Variants in CACNB2 observed in about 807,000 individuals in gnomAD.
CACNB2 encodes the protein voltage-dependent L-type calcium channel subunit beta-2.
A neutral mutation model predicts 73.3 loss-of-function variants in CACNB2; 42 were observed. That is an observed-to-expected ratio of 0.57 (90% CI 0.45 to 0.74). The LOEUF is 0.74. Ranked by LOEUF, CACNB2 falls within the 30% of genes least tolerant of loss-of-function variation. CACNB2 has a pLI of 0.00. For synonymous variants in CACNB2, 348 were observed against 310.3 expected (o/e 1.12, Z -1.28); for missense variants, 940 against 853.0 (o/e 1.10, Z -1.27).
intron 2 of CACNB2, among the ~76,000 whole-genome samples, chr10:18,220,232 T>TAGAG (rs1169176468): frequency 0.01 from 254 of 25,046 alleles, 4 homozygotes; most frequent in Middle Eastern, 0.031. Context: ...TATATATATA[T>TAGAG]AGAGAGAGAG....
At chr10:18,258,581 G>A (rs1032665758) in intron 2 of CACNB2, among the ~76,000 whole-genome samples, 2 of 151,956 alleles carry the variant, frequency 1.3e-5, no homozygotes, top group Non-Finnish European at 2.9e-5. Context: ...CAAAAATTTA[G>A]CCAGGCTGGT....
At chr10:18,216,718 T>C (rs1490867121) in intron 2 of CACNB2, among the ~76,000 whole-genome samples, 1 of 152,216 alleles carries the variant, frequency 6.6e-6, no homozygotes, top group Non-Finnish European at 1.5e-5. Flanking sequence ...CATTCTCTCA[T>C]AACCCCTCAT....
intron 2 of CACNB2, among the ~76,000 whole-genome samples, chr10:18,153,438 A>G (rs2031768750): frequency 6.6e-6 from 1 of 152,024 alleles, no homozygotes; most frequent in Non-Finnish European, 1.5e-5. Context: ...CAGCATTCCC[A>G]TTTTGCTGCC....
Position 18,229,257 on chromosome 10 carries a change from A to G in CACNB2, c.213+78282A>G, listed in dbSNP as rs376300763. Among the ~76,000 whole-genome samples, 11 of 152,364 alleles carry G rather than the reference A, an allele frequency of 7.2e-5. 1 individual carries two copies. The East Asian group carries it at 1.5e-3, about 21-fold the overall frequency. On this transcript the variant is annotated intron_variant, in intron 2 of 13. Transcript: ENST00000324631. ...TGTTGGCAATCTGAAGACTAAATCC[A>G]TAATTTCAATTACATGATTTTATTT...
intron 2 of CACNB2, among the ~76,000 whole-genome samples, chr10:18,174,221 C>A (rs1392136402): frequency 7.0e-6 from 1 of 143,378 alleles, no homozygotes; most frequent in Non-Finnish European, 1.5e-5. Context: ...TTCCTTTCTC[C>A]TTCCCCTTCC....
Position 18,386,697 on chromosome 10 carries a change from C to T in CACNB2, c.214-15227C>T, listed in dbSNP as rs975609744. ...CTGGGATTACAGGCGTGAGCCACTGCGCCCTGCCTTTATTTATGATTTTTA... is the reference window on the plus strand; with the variant it reads ...CTGGGATTACAGGCGTGAGCCACTGTGCCCTGCCTTTATTTATGATTTTTA... On this transcript the variant is annotated intron_variant, in intron 2 of 13. Transcript: ENST00000324631. Among the ~76,000 whole-genome samples the T allele has an allele frequency of 1.4e-4, 21 of 152,220 alleles. 1 individual carries two copies. The South Asian group carries it at 1.7e-3, about 12-fold the overall frequency.
chr10:18,308,593 A>G lies in CACNB2; in HGVS notation c.214-93331A>G, dbSNP rs187574512. Among the ~76,000 whole-genome samples the G allele has an allele frequency of 6.8e-4, 104 of 152,352 alleles. 1 individual carries two copies. Among genetic ancestry groups the G allele is most frequent in the African/African-American group, 2.4e-3 (100 of 41,578 alleles). On this transcript the variant is annotated intron_variant, in intron 2 of 13. Coordinates refer to ENST00000324631, the MANE Select transcript of CACNB2 (RefSeq NM_201596.3). ...GTATATTTTAAAATGGCAATGCTGT[A>G]AAAGCACTCACAGTGATTTCTTGGG...
chr10:18,294,168 AC>A (rs2039182509), intron 2 of CACNB2, among the ~76,000 whole-genome samples: 1 of 152,082 alleles, frequency 6.6e-6, no homozygotes, highest in African/African-American at 2.4e-5. Context: ...GACCTGCTTC[AC>A]TCCATGTGAT....
At chr10:18,358,549 TCTCG>T (rs1564466111) in intron 2 of CACNB2, among the ~76,000 whole-genome samples, 1,524 of 25,748 alleles carry the variant, frequency 0.059, 93 homozygotes, top group Non-Finnish European at 0.087. Flanking sequence ...TCTCTCTCTC[TCTCG>T]CTCTCTCTCT....
At chr10:18,184,987 G>A (rs1293321277) in intron 2 of CACNB2, among the ~76,000 whole-genome samples, 1 of 152,032 alleles carries the variant, frequency 6.6e-6, no homozygotes, top group Non-Finnish European at 1.5e-5. Flanking sequence ...CTACAGGCAT[G>A]CACCACCACG....
chr10:18,183,632 G>GA (rs2034001053), intron 2 of CACNB2, among the ~76,000 whole-genome samples: 1 of 152,054 alleles, frequency 6.6e-6, no homozygotes, highest in Non-Finnish European at 1.5e-5. Flanking sequence ...AACAGCATGG[G>GA]AAAAACCCAC....
chr10:18,488,657 C>T (rs1186602324), intron 3 of CACNB2, among the ~76,000 whole-genome samples: 1 of 151,922 alleles, frequency 6.6e-6, no homozygotes, highest in Non-Finnish European at 1.5e-5. Flanking sequence ...AGACCTGGGC[C>T]CAATCTTTTT....
intron 2 of CACNB2, among the ~76,000 whole-genome samples, chr10:18,273,755 G>A (rs938195618): frequency 6.6e-6 from 1 of 152,096 alleles, no homozygotes; most frequent in Admixed American, 6.6e-5. Flanking sequence ...AGTAAGTATT[G>A]GCAACTTACT....
At chr10:18,491,667 G>A (rs1182603462) in intron 3 of CACNB2, among the ~76,000 whole-genome samples, 2 of 152,054 alleles carry the variant, frequency 1.3e-5, no homozygotes, top group Non-Finnish European at 2.9e-5. Context: ...AATGGTAAGA[G>A]GAAAGAGTTC....
chr10:18,312,161 AT>A (rs1226420727), intron 2 of CACNB2, among the ~76,000 whole-genome samples: 5 of 152,192 alleles, frequency 3.3e-5, no homozygotes, highest in Non-Finnish European at 1.5e-5. Context: ...ATATGGTGAA[AT>A]TTAAGACCTT....
chr10:18,271,720 G>A (rs2038061339), intron 2 of CACNB2, among the ~76,000 whole-genome samples: 1 of 152,124 alleles, frequency 6.6e-6, no homozygotes, highest in Admixed American at 6.5e-5. Context: ...TAACCTTTCT[G>A]CTGAATAGAT....
chr10:18,324,443 G>A (rs927507040), intron 2 of CACNB2, among the ~76,000 whole-genome samples: 14 of 152,210 alleles, frequency 9.2e-5, no homozygotes, highest in African/African-American at 3.4e-4. Flanking sequence ...AGAATGAATG[G>A]ATGATATTGG....
chr10:18,464,161 CT>C (rs369631789), intron 3 of CACNB2, among the ~76,000 whole-genome samples: 2,379 of 146,010 alleles, frequency 0.016, 59 homozygotes, highest in African/African-American at 0.056. Context: ...CTTGCCAGTT[CT>C]TTTTTTTTTT....
intron 2 of CACNB2, among the ~76,000 whole-genome samples, chr10:18,304,572 G>T (rs557169539): frequency 6.6e-6 from 1 of 151,668 alleles, no homozygotes; most frequent in South Asian, 2.1e-4. Flanking sequence ...CAGCAAAGCT[G>T]CCCTGGTTGC....
Sources: allele counts gnomAD v4.1 joint callset (sites outside exome capture counted in the v4.1 genomes callset), GRCh38; gene constraint gnomAD v4.1.1; transcripts MANE v1.5; gene names NCBI Gene and HGNC (gene_info 2026-07-23, HGNC 2026-07-21).